Variants in LHFPL4 observed in about 807,000 individuals in gnomAD.
LHFPL4 encodes the protein LHFPL tetraspan subfamily member 4.
Under a neutral mutation model 20.0 loss-of-function variants are expected in LHFPL4, and 6 were observed. The ratio of observed to expected loss-of-function variants is 0.30; its 90% confidence interval spans 0.16 to 0.59. The LOEUF is 0.59. LHFPL4 is among the 20% of genes least tolerant of loss of function. The pLI, the probability that LHFPL4 is intolerant of heterozygous loss-of-function variation, is 0.88. For missense variants in LHFPL4, 215 were observed against 331.2 expected, an observed-to-expected ratio of 0.65 and a Z score of 2.72; for synonymous variants, 129 against 143.8, an observed-to-expected ratio of 0.90 and a Z score of 0.74.
intron 2 of LHFPL4, among the ~76,000 whole-genome samples, chr3:9,546,718 C>G (rs2046516113): frequency 1.3e-5 from 2 of 152,132 alleles, no homozygotes; most frequent in Non-Finnish European, 2.9e-5. Flanking sequence ...TTTGGTCATC[C>G]CAGCAAGTCC....
intron 2 of LHFPL4, among the ~76,000 whole-genome samples, chr3:9,517,978 G>T (rs2046315179): frequency 6.6e-6 from 1 of 151,978 alleles, no homozygotes; most frequent in African/African-American, 2.4e-5. Context: ...GTAGTGAGGG[G>T]ACACCCTTGC....
Position 9,533,525 on chromosome 3 carries a change from G to A in LHFPL4, c.406+18749C>T, listed in dbSNP as rs143789657. Among the ~76,000 whole-genome samples the A allele has an allele frequency of 1.6e-3, 250 of 152,354 alleles. 1 individual carries two copies. Among genetic ancestry groups the A allele is most frequent in the African/African-American group, 5.7e-3 (239 of 41,578 alleles). ...AGGCCGGGTGCGGTGGCTCACGCCT[G>A]TAATCCCAACACTTTGCGAGGCCAA... On this transcript the variant is annotated intron_variant, in intron 2 of 3. Coordinates refer to ENST00000287585, the MANE Select transcript of LHFPL4 (RefSeq NM_198560.3).
chr3:9,526,535 A>G (rs565320506), intron 2 of LHFPL4, among the ~76,000 whole-genome samples: 5 of 152,166 alleles, frequency 3.3e-5, no homozygotes, highest in Non-Finnish European at 7.3e-5. Context: ...CCCTCCTTCA[A>G]GCATCTCTTA....
chr3:9,504,016 GC>G (rs771800970), intron 3 of LHFPL4, among the ~76,000 whole-genome samples: 41 of 150,402 alleles, frequency 2.7e-4, no homozygotes, highest in Non-Finnish European at 3.7e-4. Context: ...GCAGAGTGAG[GC>G]CCCCTCCCCC....
At position 9,552,170 on chromosome 3, in the gene LHFPL4, A is replaced by C. The variant is rs1036475210; in HGVS notation, c.406+104T>G. Reference sequence around the variant, plus strand: ...CAGCCAAAGAGGTGAGTGTCTTAACACAGAGAAGCAGAATCTATCCGACTC... The same window carrying C: ...CAGCCAAAGAGGTGAGTGTCTTAACCCAGAGAAGCAGAATCTATCCGACTC... On this transcript the variant is annotated intron_variant, in intron 2 of 3. Transcript: ENST00000287585. The C allele has an allele frequency of 2.8e-6, 4 of 1,454,246 alleles. No individual in the cohort carries two copies. In the African/African-American group the frequency reaches 4.3e-5, roughly 16 times the overall value. 90.1% of individuals were successfully genotyped at this position (1,454,246 alleles called of 1,614,324 possible). A position where few individuals can be genotyped will look rare whatever the true frequency, so the allele number is the denominator to read the frequency against.
chr3:9,506,229 CA>C lies in LHFPL4; in HGVS notation c.407-27del, dbSNP rs2046216908. On this transcript the variant is annotated intron_variant, in intron 2 of 3. Transcript: ENST00000287585. This position sits in a 1 kb window ranked among gnomAD's most constrained non-coding sequence, Gnocchi z 4.5. The stretch of plus-strand genomic sequence containing the variant: ...CTGAGGGGCAGAGCACCGGGCCCAC[CA>C]CCACGGTCAGGAAGGAAGAGAAAAG... The C allele has an allele frequency of 6.4e-7, 1 of 1,567,700 alleles. No homozygotes were observed. The highest frequency in any genetic ancestry group is 8.8e-7 in the Non-Finnish European group (1 of 1,137,970).
At chr3:9,512,267 G>C (rs764920132) in intron 2 of LHFPL4, among the ~76,000 whole-genome samples, 1 of 152,150 alleles carries the variant, frequency 6.6e-6, no homozygotes, top group African/African-American at 2.4e-5. Flanking sequence ...CCCCCTCTGG[G>C]CCTCAGTTTC....
At chr3:9,525,010 T>C (rs761654792) in intron 2 of LHFPL4, among the ~76,000 whole-genome samples, 6 of 152,142 alleles carry the variant, frequency 3.9e-5, no homozygotes, top group Non-Finnish European at 7.4e-5. Context: ...TTTCTTGCCC[T>C]CCTTAGGTGG....
At chr3:9,536,001 A>G (rs2046442119) in intron 2 of LHFPL4, among the ~76,000 whole-genome samples, 1 of 151,756 alleles carries the variant, frequency 6.6e-6, no homozygotes, top group South Asian at 2.1e-4. Flanking sequence ...GGGTTTCATC[A>G]TGTTGCCCAG....
At chr3:9,526,368 G>A (rs2046375345) in intron 2 of LHFPL4, among the ~76,000 whole-genome samples, 1 of 152,098 alleles carries the variant, frequency 6.6e-6, no homozygotes, top group Non-Finnish European at 1.5e-5. Flanking sequence ...CCAAAAGACA[G>A]TAAAAATGAT....
chr3:9,549,598 G>A (rs2046539930), intron 2 of LHFPL4, among the ~76,000 whole-genome samples: 1 of 152,188 alleles, frequency 6.6e-6, no homozygotes. Flanking sequence ...TCAGGAGGCT[G>A]AGGCAGGAGA....
intron 2 of LHFPL4, among the ~76,000 whole-genome samples, chr3:9,542,646 A>C (rs1249916454): frequency 1.3e-5 from 2 of 151,626 alleles, no homozygotes; most frequent in African/African-American, 4.8e-5. Flanking sequence ...GTTTCTACCA[A>C]AGTTTTAAAA....
At chr3:9,551,304 T>G (rs2125669173) in intron 2 of LHFPL4, among the ~76,000 whole-genome samples, 1 of 152,222 alleles carries the variant, frequency 6.6e-6, no homozygotes, top group Middle Eastern at 3.4e-3. Context: ...CCTGGAAGAC[T>G]CCAAACTTTT....
At chr3:9,513,173 G>A (rs1179849327) in intron 2 of LHFPL4, among the ~76,000 whole-genome samples, 1 of 152,156 alleles carries the variant, frequency 6.6e-6, no homozygotes, top group East Asian at 1.9e-4. Context: ...TGTTAACCAG[G>A]ATGGTCTCGA....
intron 2 of LHFPL4, among the ~76,000 whole-genome samples, chr3:9,533,910 T>A (rs2633774): frequency 0.042 from 6,221 of 147,042 alleles, 176 homozygotes; most frequent in Non-Finnish European, 0.063. Flanking sequence ...TTTATGACTT[T>A]AAAAAAAAAA....
At chr3:9,523,925 A>T (rs2046356607) in intron 2 of LHFPL4, among the ~76,000 whole-genome samples, 1 of 150,324 alleles carries the variant, frequency 6.7e-6, no homozygotes, top group Non-Finnish European at 1.5e-5. Context: ...GAAAGTCTTT[A>T]TTTCTCCTTC....
chr3:9,545,090 T>C (rs984569041), intron 2 of LHFPL4, among the ~76,000 whole-genome samples: 2 of 151,334 alleles, frequency 1.3e-5, no homozygotes, highest in Admixed American at 6.6e-5. Context: ...AAAGGGTTGA[T>C]GTGAGAAACA....
chr3:9,553,446 G>A (rs1363048501), intron 1 of LHFPL4, among the ~76,000 whole-genome samples: 1 of 151,776 alleles, frequency 6.6e-6, no homozygotes, highest in Non-Finnish European at 1.5e-5. Context: ...TAGGCTGGAG[G>A]GAGCCTAGGA....
intron 2 of LHFPL4, among the ~76,000 whole-genome samples, chr3:9,546,314 G>GA (rs34993981): frequency 0.32 from 41,467 of 130,540 alleles, 6,769 homozygotes; most frequent in Non-Finnish European, 0.38. Flanking sequence ...GACTCGGTCT[G>GA]AAAAAAAAAA....
Sources: allele counts gnomAD v4.1 joint callset (sites outside exome capture counted in the v4.1 genomes callset), GRCh38; gene constraint gnomAD v4.1.1; non-coding constraint Gnocchi (gnomAD v3.1); transcripts MANE v1.5; gene names NCBI Gene and HGNC (gene_info 2026-07-23, HGNC 2026-07-21).